The following RAI2 variants were observed in gnomAD, a reference collection of about 807,000 sequenced individuals.
RAI2 encodes retinoic acid induced 2.
A neutral mutation model predicts 15.3 loss-of-function variants in RAI2; 5 were observed. The observed-to-expected ratio is 0.33, with a 90% CI of 0.17 to 0.69. The LOEUF is 0.69. Ranked by LOEUF, RAI2 falls within the 30% of genes least tolerant of loss-of-function variation. RAI2 has a pLI of 0.69. For synonymous variants in RAI2, 191 were observed against 184.0 expected, an observed-to-expected ratio of 1.04 and a Z score of -0.31; for missense variants, 424 against 424.7, an observed-to-expected ratio of 1.00 and a Z score of 0.01.
At chrX:17,836,281 C>A (rs916489014) in intron 1 of RAI2, among the ~76,000 whole-genome samples, 8 of 111,221 alleles carry the variant, frequency 7.2e-5, no homozygotes, top group African/African-American at 2.6e-4. Flanking sequence ...TATGTCCTGT[C>A]ATAAGTTGAA....
intron 1 of RAI2, among the ~76,000 whole-genome samples, chrX:17,854,523 G>C (rs1408607994): frequency 8.9e-6 from 1 of 111,937 alleles, no homozygotes; most frequent in Non-Finnish European, 1.9e-5. Flanking sequence ...AAAGCACGAA[G>C]GAAAGAATGG....
chrX:17,819,155 A>G (rs1285165421), intron 1 of RAI2, among the ~76,000 whole-genome samples: 2 of 112,247 alleles, frequency 1.8e-5, no homozygotes, highest in Non-Finnish European at 3.8e-5. Flanking sequence ...TGCTTTAGGG[A>G]CAGGGATGAT....
At chrX:17,846,637 G>A (rs1033235898) in intron 1 of RAI2, among the ~76,000 whole-genome samples, 1 of 111,387 alleles carries the variant, frequency 9.0e-6, no homozygotes, top group Non-Finnish European at 1.9e-5. Flanking sequence ...TGAGGGCTCA[G>A]AATAGGATTG....
intron 1 of RAI2, among the ~76,000 whole-genome samples, chrX:17,819,265 C>A (rs191432590): frequency 1.8e-5 from 2 of 112,439 alleles, no homozygotes; most frequent in East Asian, 2.8e-4. Context: ...CTGGAAAATT[C>A]TTTAAAATGT....
rs1311160811 is a variant in RAI2, at chrX:17,802,674, GA to G, written c.-24-641del. Among the ~76,000 whole-genome samples, 4 of 111,685 alleles carry G rather than the reference GA, an allele frequency of 3.6e-5. No homozygotes were observed. The South Asian group carries it at 1.1e-3, about 32-fold the overall frequency. On this transcript the variant is annotated intron_variant, in intron 1 of 1. Coordinates refer to ENST00000451717, the MANE Select transcript of RAI2 (RefSeq NM_021785.6). The stretch of plus-strand genomic sequence containing the variant: ...GGTGAAGATCGATGATGACTTGCAT[GA>G]ATGGTCATTGGGTCCACTGTCACTT...
intron 1 of RAI2, among the ~76,000 whole-genome samples, chrX:17,839,574 T>C (rs1449334850): frequency 2.7e-5 from 3 of 112,631 alleles, no homozygotes; most frequent in Non-Finnish European, 5.6e-5. Flanking sequence ...ACTGAGTCCA[T>C]TTCAATATCT....
chrX:17,843,346 C>T (rs184119043), intron 1 of RAI2, among the ~76,000 whole-genome samples: 157 of 111,451 alleles, frequency 1.4e-3, no homozygotes, highest in African/African-American at 4.8e-3. Flanking sequence ...TTGAACACAC[C>T]TAAGGTTTGC....
intron 1 of RAI2, among the ~76,000 whole-genome samples, chrX:17,847,635 C>T (rs951057715): frequency 9.7e-5 from 11 of 113,056 alleles, no homozygotes; most frequent in Middle Eastern, 4.6e-3. Context: ...GTTTGGAGAA[C>T]ATGGAGTCCT....
intron 1 of RAI2, among the ~76,000 whole-genome samples, chrX:17,803,295 G>T (rs1407769426): frequency 9.0e-6 from 1 of 111,179 alleles, no homozygotes; most frequent in Non-Finnish European, 1.9e-5. Context: ...GGAGGCTGAG[G>T]TGGGCAGATC....
intron 1 of RAI2, among the ~76,000 whole-genome samples, chrX:17,831,640 C>T (rs150224776): frequency 7.6e-4 from 85 of 112,346 alleles, no homozygotes; most frequent in African/African-American, 2.4e-3. Flanking sequence ...TTTATGGGCA[C>T]GGACAATGCC....
chrX:17,812,267 T>G (rs2067058032), intron 1 of RAI2, among the ~76,000 whole-genome samples: 1 of 111,550 alleles, frequency 9.0e-6, no homozygotes, highest in South Asian at 3.8e-4. Flanking sequence ...CTTTATTCAT[T>G]CGCAACCCTG....
At chrX:17,856,281 A>T (rs1029334368) in intron 1 of RAI2, among the ~76,000 whole-genome samples, 5 of 112,008 alleles carry the variant, frequency 4.5e-5, no homozygotes, top group African/African-American at 1.6e-4. Context: ...TGTCCCCTCC[A>T]AACTCCTGTG....
chrX:17,806,291 T>C (rs1360072083), intron 1 of RAI2, among the ~76,000 whole-genome samples: 1 of 111,742 alleles, frequency 8.9e-6, no homozygotes, highest in African/African-American at 3.3e-5. Context: ...AAGGAGCCGG[T>C]TGATGCTCAA....
chrX:17,841,103 C>A (rs1433019046), intron 1 of RAI2, among the ~76,000 whole-genome samples: 2 of 109,993 alleles, frequency 1.8e-5, no homozygotes, highest in East Asian at 2.8e-4. Flanking sequence ...TATTTTTTTG[C>A]TGAACTTTTA....
At chrX:17,851,963 A>G (rs1384981911) in intron 1 of RAI2, among the ~76,000 whole-genome samples, 1 of 111,985 alleles carries the variant, frequency 8.9e-6, no homozygotes, top group Admixed American at 9.4e-5. Context: ...ATTTTGAGGA[A>G]CAACATACCA....
At chrX:17,858,135 T>A (rs748382055) in intron 1 of RAI2, among the ~76,000 whole-genome samples, 1 of 111,658 alleles carries the variant, frequency 9.0e-6, no homozygotes, top group Admixed American at 9.5e-5. Context: ...ATTATTCCCA[T>A]CTTGTAGGTA....
chrX:17,816,775 C>G (rs1239409841), intron 1 of RAI2, among the ~76,000 whole-genome samples: 1 of 111,889 alleles, frequency 8.9e-6, no homozygotes, highest in Non-Finnish European at 1.9e-5. Flanking sequence ...CCAAACCCAT[C>G]TCATCTTCTT....
intron 1 of RAI2, among the ~76,000 whole-genome samples, chrX:17,828,633 G>A (rs139841903): frequency 1.2e-4 from 13 of 111,993 alleles, no homozygotes; most frequent in East Asian, 8.4e-4. Flanking sequence ...AGAAGTAAGC[G>A]GACCTTGATG....
At chrX:17,807,084 G>T (rs769877635) in intron 1 of RAI2, among the ~76,000 whole-genome samples, 1 of 111,253 alleles carries the variant, frequency 9.0e-6, no homozygotes, top group Admixed American at 9.5e-5. Context: ...TTATTGCAAA[G>T]ATCTAATTAT....
Sources: allele counts gnomAD v4.1 joint callset (sites outside exome capture counted in the v4.1 genomes callset), GRCh38; gene constraint gnomAD v4.1.1; transcripts MANE v1.5; gene names NCBI Gene and HGNC (gene_info 2026-07-23, HGNC 2026-07-21).